RPS6KA2: variants seen among roughly 807,000 people sequenced by gnomAD.
RPS6KA2 encodes the protein ribosomal protein S6 kinase alpha-2.
Under a neutral mutation model 91.8 loss-of-function variants are expected in RPS6KA2, and 42 were observed. The ratio of observed to expected loss-of-function variants is 0.46; its 90% CI spans 0.36 to 0.59. RPS6KA2 has a LOEUF of 0.59. Among genes scored for constraint, RPS6KA2 ranks in the 20% least tolerant of loss-of-function variants. The probability of loss-of-function intolerance (pLI) is 0.00; values close to 1 mark genes in which losing one functional copy is unlikely to be tolerated. For missense variants in RPS6KA2, 798 were observed against 978.5 expected (o/e 0.82, Z 2.46); for synonymous variants, 414 against 393.6 (o/e 1.05, Z -0.61).
At chr6:166,695,091 C>T (rs1165791626) in intron 2 of RPS6KA2, among the ~76,000 whole-genome samples, 2 of 152,164 alleles carry the variant, frequency 1.3e-5, no homozygotes, top group African/African-American at 2.4e-5. Context: ...AAGCAAATAA[C>T]GACATAGACA....
chr6:166,785,485 G>T (rs182995232), intron 2 of RPS6KA2, among the ~76,000 whole-genome samples: 62 of 152,326 alleles, frequency 4.1e-4, no homozygotes, highest in African/African-American at 1.5e-3. Context: ...ATAGACAATG[G>T]ACCAGAAAAC....
At chr6:166,449,611 C>T (rs941595984) in intron 13 of RPS6KA2, among the ~76,000 whole-genome samples, 1 of 152,140 alleles carries the variant, frequency 6.6e-6, no homozygotes, top group Non-Finnish European at 1.5e-5. Context: ...AACTGCTACC[C>T]TAGGGTCCTG....
chr6:166,417,911 A>C (rs554214449), intron 19 of RPS6KA2, among the ~76,000 whole-genome samples: 2 of 151,482 alleles, frequency 1.3e-5, no homozygotes, highest in African/African-American at 4.9e-5. Context: ...TTAGTACAAA[A>C]CTTTTTTGTA....
rs371706438 is a variant in RPS6KA2 at position 166,466,797 on chromosome 6, C to T, written c.972+3044G>A. Among the ~76,000 whole-genome samples, 13 of 152,376 alleles carry T rather than the reference C, an allele frequency of 8.5e-5. No homozygotes were observed. In the East Asian group the frequency reaches 1.9e-3, roughly 23 times the overall value. On this transcript the variant is annotated intron_variant, in intron 11 of 20. Transcript: ENST00000265678. ...TGACTCATTCACTTATTCATTTGCT[C>T]GTTCACTCACTCCCTCATTCACTCA...
Position 166,508,378 on chromosome 6 carries a change from C to G in RPS6KA2, c.380-96G>C. The G allele has an allele frequency of 1.2e-6, 1 of 808,834 alleles. No homozygotes were observed. 50.1% of individuals were successfully genotyped at this position (808,834 alleles called of 1,614,324 possible). On this transcript the variant is annotated intron_variant, in intron 4 of 20. Coordinates refer to ENST00000265678, the MANE Select transcript of RPS6KA2 (RefSeq NM_021135.6). This position sits in a 1 kb window ranked among gnomAD's most constrained non-coding sequence, Gnocchi z 4.3. The stretch of plus-strand genomic sequence containing the variant: ...TCCCTGCTCACGGTGCTGCTTACTC[C>G]GGGAGGCTGAGTCACTTGAGAAACG...
chr6:166,588,473 G>A (rs1022775930), intron 1 of RPS6KA2, among the ~76,000 whole-genome samples: 10 of 152,068 alleles, frequency 6.6e-5, no homozygotes, highest in Non-Finnish European at 1.5e-4. Flanking sequence ...TTGGGCACAC[G>A]ACATCCCTTT....
chr6:166,456,714 G>C (rs1780118161), intron 12 of RPS6KA2, among the ~76,000 whole-genome samples: 1 of 152,218 alleles, frequency 6.6e-6, no homozygotes, highest in Non-Finnish European at 1.5e-5. Flanking sequence ...CATGTGCTCA[G>C]CTCACATGCT....
At chr6:166,828,830 C>A (rs536375093) in intron 2 of RPS6KA2, among the ~76,000 whole-genome samples, 1 of 152,078 alleles carries the variant, frequency 6.6e-6, no homozygotes, top group African/African-American at 2.4e-5. Flanking sequence ...ATAAATCAGA[C>A]GTCATCAAAA....
At chr6:166,841,131 A>T (rs925229874) in intron 2 of RPS6KA2, among the ~76,000 whole-genome samples, 44 of 151,992 alleles carry the variant, frequency 2.9e-4, no homozygotes, top group African/African-American at 7.7e-4. Context: ...AAATAAAAAA[A>T]AAAAAATTAG....
intron 2 of RPS6KA2, among the ~76,000 whole-genome samples, chr6:166,721,214 G>A (rs1334468377): frequency 1.3e-5 from 2 of 152,236 alleles, no homozygotes; most frequent in Non-Finnish European, 2.9e-5. Context: ...ACACAGGAAA[G>A]GTGGAAAGGC....
chr6:166,616,814 G>A (rs184942665), intron 1 of RPS6KA2, among the ~76,000 whole-genome samples: 140 of 152,336 alleles, frequency 9.2e-4, no homozygotes, highest in African/African-American at 3.3e-3. Context: ...CCACTGTGGT[G>A]CCCATGGGGG....
At chr6:166,649,019 T>A (rs1787765451) in intron 2 of RPS6KA2, among the ~76,000 whole-genome samples, 1 of 152,140 alleles carries the variant, frequency 6.6e-6, no homozygotes, top group South Asian at 2.1e-4. Flanking sequence ...ACCAAAGCAT[T>A]ATCCCTCTCC....
At chr6:166,480,486 T>TATATATA (rs1165918336) in intron 10 of RPS6KA2, among the ~76,000 whole-genome samples, 20 of 56,916 alleles carry the variant, frequency 3.5e-4, no homozygotes, top group African/African-American at 1.3e-3. Context: ...ATTTTATATA[T>TATATATA]ATATATATAT....
At position 166,508,132 on chromosome 6, in the gene RPS6KA2, C is replaced by T; in HGVS notation, c.459+71G>A. On this transcript the variant is annotated intron_variant, in intron 5 of 20. Coordinates refer to ENST00000265678, the MANE Select transcript of RPS6KA2 (RefSeq NM_021135.6). This position sits in a 1 kb window ranked among gnomAD's most constrained non-coding sequence, Gnocchi z 4.3. ...GTGCTCACGTCCTCTCAATGCTCTC[C>T]ACCCCTCCTCCCCTCGAGTCCCAGA... 2 of 982,272 alleles carry T rather than the reference C, an allele frequency of 2.0e-6. No individual in the cohort carries two copies. The highest frequency in any genetic ancestry group is 3.2e-6 in the Non-Finnish European group (2 of 624,158). The allele number at this position is 982,272 out of a possible 1,614,324, so 60.8% of individuals were successfully genotyped here. A position where few individuals can be genotyped will look rare whatever the true frequency, so the allele number is the denominator to read the frequency against.
chr6:166,796,031 C>A (rs1004322111), intron 2 of RPS6KA2, among the ~76,000 whole-genome samples: 1 of 152,224 alleles, frequency 6.6e-6, no homozygotes, highest in East Asian at 1.9e-4. Context: ...CAGAAAGAAG[C>A]CTTCTCAGAG....
chr6:166,623,301 G>A (rs1030296027), intron 1 of RPS6KA2, among the ~76,000 whole-genome samples: 4 of 152,236 alleles, frequency 2.6e-5, no homozygotes, highest in African/African-American at 9.6e-5. Context: ...CCTGTTGGAA[G>A]AAATACAAAC....
intron 2 of RPS6KA2, among the ~76,000 whole-genome samples, chr6:166,811,016 G>A (rs1156910441): frequency 6.6e-6 from 1 of 152,198 alleles, no homozygotes; most frequent in Non-Finnish European, 1.5e-5. Context: ...CTGGCAAATA[G>A]TTGATGTATT....
At chr6:166,810,700 G>A (rs1779613457) in intron 2 of RPS6KA2, among the ~76,000 whole-genome samples, 1 of 152,206 alleles carries the variant, frequency 6.6e-6, no homozygotes. Flanking sequence ...CCTATATATG[G>A]AAAACTTCAT....
At position 166,468,856 on chromosome 6, in the gene RPS6KA2, T is replaced by TCCGCCTCAAAAA. The variant is rs567161437; in HGVS notation, c.972+984_972+985insTTTTTGAGGCGG. Among the ~76,000 whole-genome samples, 181 of 112,172 alleles carry TCCGCCTCAAAAA rather than the reference T, an allele frequency of 1.6e-3. 15 individuals are homozygous for TCCGCCTCAAAAA. The highest frequency in any genetic ancestry group is 9.0e-3 in the South Asian group (33 of 3,686). The allele number at this position is 112,172 out of a possible 152,430, so 73.6% of individuals were successfully genotyped here. ...TCCAGCCTGGGCGACAGAGCGAGAC[T>TCCGCCTCAAAAA]AAAAAAAAAAAAAAAAAGAAGACAG... On this transcript the variant is annotated intron_variant, in intron 11 of 20. Transcript: ENST00000265678.
Sources: gnomAD v4.1 joint callset for allele counts (sites outside exome capture counted in the v4.1 genomes callset) on GRCh38, gnomAD v4.1.1 for gene constraint, Gnocchi (gnomAD v3.1) non-coding constraint, MANE v1.5 for transcripts, NCBI Gene and HGNC (gene_info 2026-07-23, HGNC 2026-07-21) for gene names.